Variants in SKIC3 observed in about 807,000 individuals in gnomAD.
The protein encoded by SKIC3 is superkiller complex protein 3.
chr5:95,475,464 G>A, the SKIC3 span, among the ~76,000 whole-genome samples: 1 of 152,092 alleles, frequency 6.6e-6, no homozygotes, highest in Non-Finnish European at 1.5e-5. Flanking sequence ...GACCATGTAA[G>A]ACGTGCCTGC....
At chr5:95,501,088 A>G in the SKIC3 span, among the ~76,000 whole-genome samples, 100 of 152,230 alleles carry the variant, frequency 6.6e-4, no homozygotes, top group Middle Eastern at 6.8e-3. Flanking sequence ...AAATAACCAC[A>G]TGGCTAATGG....
chr5:95,543,291 A>C, the SKIC3 span: 1 of 1,614,070 alleles, frequency 6.2e-7, no homozygotes. Flanking sequence ...ATAAAAACCC[A>C]GGCATTATAG....
At chr5:95,482,780 A>G in the SKIC3 span, 14 of 807,218 alleles carry the variant, frequency 1.7e-5, no homozygotes, top group Non-Finnish European at 2.5e-5. Context: ...AATTAAATAA[A>G]CAAAACAATG....
At chr5:95,503,824 C>G in the SKIC3 span, 5,071 of 1,613,792 alleles carry the variant, frequency 3.1e-3, 17 homozygotes, top group Non-Finnish European at 4.0e-3. Context: ...CTTTGCTGCT[C>G]TCTTTATAAA....
the SKIC3 span, among the ~76,000 whole-genome samples, chr5:95,527,377 C>T: frequency 6.6e-6 from 1 of 152,108 alleles, no homozygotes; most frequent in Non-Finnish European, 1.5e-5. Flanking sequence ...ATGCTGACAA[C>T]GGTTCTGATT....
the SKIC3 span, among the ~76,000 whole-genome samples, chr5:95,532,972 GA>G: frequency 1.8e-4 from 27 of 151,992 alleles, no homozygotes; most frequent in South Asian, 2.1e-4. Flanking sequence ...CTTGAGGGGG[GA>G]AAAAAACCAT....
the SKIC3 span, chr5:95,516,439 A>G: frequency 6.2e-7 from 1 of 1,612,696 alleles, no homozygotes; most frequent in African/African-American, 1.3e-5. Context: ...TTTTCTTAAA[A>G]TAGGCCCCTT....
At chr5:95,522,444 G>C in the SKIC3 span, 1 of 1,000,038 alleles carries the variant, frequency 1.0e-6, no homozygotes, top group Non-Finnish European at 1.4e-6. Flanking sequence ...ATTTAAAGCA[G>C]ATAAATTTGT....
At chr5:95,466,396 G>A in the SKIC3 span, among the ~76,000 whole-genome samples, 7 of 152,080 alleles carry the variant, frequency 4.6e-5, no homozygotes, top group Non-Finnish European at 1.0e-4. Flanking sequence ...TGCAATGGCT[G>A]CAAAAATACA....
At chr5:95,464,403 T>C in the SKIC3 span, 1 of 505,766 alleles carries the variant, frequency 2.0e-6, no homozygotes, top group Non-Finnish European at 3.4e-6. Context: ...TTTTCCCAAA[T>C]TAAATTTTTT....
chr5:95,541,697 A>C, the SKIC3 span: 47 of 697,898 alleles, frequency 6.7e-5, no homozygotes, highest in Non-Finnish European at 1.0e-4. Context: ...AAATGTTTGA[A>C]AAAAAAAAAA....
chr5:95,510,579 C>T, the SKIC3 span, among the ~76,000 whole-genome samples: 1 of 152,186 alleles, frequency 6.6e-6, no homozygotes, highest in African/African-American at 2.4e-5. Flanking sequence ...CTCATCTGAT[C>T]TTGTGGCCCC....
the SKIC3 span, among the ~76,000 whole-genome samples, chr5:95,519,241 A>G: frequency 3.3e-5 from 5 of 151,958 alleles, no homozygotes; most frequent in Non-Finnish European, 5.9e-5. Flanking sequence ...TCAGCTATAC[A>G]TTTTTCTTCA....
chr5:95,525,789 G>C, the SKIC3 span: 5 of 961,706 alleles, frequency 5.2e-6, no homozygotes, highest in Non-Finnish European at 8.1e-6. Flanking sequence ...TAAAGAAATA[G>C]AGGTCCTGAT....
At chr5:95,520,776 A>G in the SKIC3 span, 2 of 1,612,410 alleles carry the variant, frequency 1.2e-6, no homozygotes, top group East Asian at 2.2e-5. Flanking sequence ...AAGATAATCA[A>G]CTAGAGCTGC....
the SKIC3 span, among the ~76,000 whole-genome samples, chr5:95,477,163 G>A: frequency 6.6e-6 from 1 of 151,874 alleles, no homozygotes. Flanking sequence ...ACAAATATGG[G>A]GCAAACAAAA....
At chr5:95,547,041 A>G in the SKIC3 span, 1 of 1,604,400 alleles carries the variant, frequency 6.2e-7, no homozygotes, top group South Asian at 1.1e-5. Context: ...TTCATTGTGG[A>G]AGAAAAAAAT....
the SKIC3 span, among the ~76,000 whole-genome samples, chr5:95,536,113 G>C: frequency 1.9e-4 from 29 of 152,314 alleles, no homozygotes; most frequent in African/African-American, 6.5e-4. Context: ...CACAGCTACA[G>C]GTTACCCAAC....
chr5:95,533,069 C>T, the SKIC3 span, among the ~76,000 whole-genome samples: 2 of 151,930 alleles, frequency 1.3e-5, no homozygotes, highest in Non-Finnish European at 2.9e-5. Flanking sequence ...CTCTTTTCTG[C>T]TTGAATTTGA....
Sources: allele counts gnomAD v4.1 joint callset (sites outside exome capture counted in the v4.1 genomes callset), GRCh38; gene constraint gnomAD v4.1.1; transcripts MANE v1.5; gene names NCBI Gene and HGNC (gene_info 2026-07-23, HGNC 2026-07-21).